ROR2: variants seen among roughly 807,000 people sequenced by gnomAD.
ROR2 encodes tyrosine-protein kinase transmembrane receptor ROR2.
A neutral mutation model predicts 74.9 loss-of-function variants in ROR2; 33 were observed. The observed-to-expected ratio is 0.44, with a 90% confidence interval of 0.33 to 0.59. ROR2 has a LOEUF of 0.59. Among genes scored for constraint, ROR2 ranks in the 20% least tolerant of loss-of-function variants. The probability of loss-of-function intolerance (pLI) is 0.02; values close to 1 mark genes in which losing one functional copy is unlikely to be tolerated. For synonymous variants in ROR2, 586 were observed against 558.7 expected (o/e 1.05, Z -0.69); for missense variants, 1,216 against 1,313.8 (o/e 0.93, Z 1.15).
chr9:91,757,592 G>A (rs534257839), intron 2 of ROR2, 33 bp from the exon 3 acceptor site: 107 of 1,605,204 alleles, frequency 6.7e-5, no homozygotes, highest in Admixed American at 4.3e-4. Flanking sequence ...AAGAGCAAGC[G>A]TCAGTGAGGG....
intron 1 of ROR2, among the ~76,000 whole-genome samples, chr9:91,872,730 C>T (rs1360655867): frequency 6.6e-6 from 1 of 152,184 alleles, no homozygotes; most frequent in Non-Finnish European, 1.5e-5. Context: ...AGAGTAAGAA[C>T]TCCCTTAGCA....
At chr9:91,776,777 T>C (rs1010416266) in intron 1 of ROR2, among the ~76,000 whole-genome samples, 3 of 152,156 alleles carry the variant, frequency 2.0e-5, no homozygotes, top group African/African-American at 4.8e-5. Flanking sequence ...ACTGTTTAAA[T>C]GTAGAGAGAC....
chr9:91,818,806 C>T (rs898053916), intron 1 of ROR2, among the ~76,000 whole-genome samples: 7 of 152,110 alleles, frequency 4.6e-5, no homozygotes, highest in African/African-American at 1.7e-4. Flanking sequence ...CTTGGGCAGC[C>T]TCACCTCTGG....
rs766838260 is a variant in ROR2, at chr9:91,733,319, T to G, written c.740A>C (p.Lys247Thr). 4 of 1,612,818 alleles carry G rather than the reference T, an allele frequency of 2.5e-6. No individual in the cohort carries two copies. The South Asian group carries it at 4.4e-5, about 18-fold the overall frequency. ...PLCDARSRTP[K>T]PRELCRDECE... ...CTCGTCGCGGCACAGCTCACGCGGC[T>G]TGGGTGTCCGGGAGCGCGCGTCGCA... Residue 247 changes from lysine to threonine, a missense_variant, in exon 6 of 9, where the codon AAG (lysine) becomes ACG (threonine). Lys to Thr is a moderately conservative substitution (Grantham distance 78). Transcript: ENST00000375708. The surrounding 1 kb of genome is among the most constrained non-coding windows in gnomAD (Gnocchi z 5.7).
chr9:91,826,120 C>T (rs1828281439), intron 1 of ROR2, among the ~76,000 whole-genome samples: 1 of 152,144 alleles, frequency 6.6e-6, no homozygotes, highest in South Asian at 2.1e-4. Flanking sequence ...CAAAGCCCAC[C>T]TTGGCCAGGG....
chr9:91,931,469 A>AT (rs1831546751), intron 1 of ROR2, among the ~76,000 whole-genome samples: 1 of 152,206 alleles, frequency 6.6e-6, no homozygotes, highest in East Asian at 1.9e-4. Context: ...ATGGCTTAGG[A>AT]TACCTTCAAC....
intron 1 of ROR2, among the ~76,000 whole-genome samples, chr9:91,832,056 C>A (rs1316847733): frequency 1.3e-5 from 2 of 152,016 alleles, no homozygotes; most frequent in East Asian, 3.9e-4. Flanking sequence ...TGGGCTTGAC[C>A]ATAAAGTCAC....
rs560516089 is a variant in ROR2, at chr9:91,809,291, C to CT, written c.98-33474dup. Reference sequence around the variant, plus strand: ...CTCAATGGGAGTGTCAGTGTGAAGTCTAACATTTTGCTCCTGAGTCAGTAC... The same window carrying CT: ...CTCAATGGGAGTGTCAGTGTGAAGTCTTAACATTTTGCTCCTGAGTCAGTAC... On this transcript the variant is annotated intron_variant, in intron 1 of 8. Transcript: ENST00000375708. Among the ~76,000 whole-genome samples the CT allele has an allele frequency of 2.5e-3, 377 of 152,290 alleles. 4 individuals are homozygous for CT. Among genetic ancestry groups the CT allele is most frequent in the African/African-American group, 8.4e-3 (348 of 41,546 alleles).
intron 4 of ROR2, among the ~76,000 whole-genome samples, chr9:91,745,148 G>T (rs957261356): frequency 6.6e-6 from 1 of 151,398 alleles, no homozygotes; most frequent in African/African-American, 2.4e-5. Flanking sequence ...TTTTTGAGAC[G>T]AAGTCTCGCT....
chr9:91,908,108 G>A (rs1830865264), intron 1 of ROR2, among the ~76,000 whole-genome samples: 1 of 152,236 alleles, frequency 6.6e-6, no homozygotes. Flanking sequence ...ACTGAGTCTG[G>A]AGGCACAGGT....
At chr9:91,913,375 G>A (rs1383588703) in intron 1 of ROR2, among the ~76,000 whole-genome samples, 1 of 151,682 alleles carries the variant, frequency 6.6e-6, no homozygotes, top group Non-Finnish European at 1.5e-5. Context: ...TCCAAAATTT[G>A]ATTTTTTTTC....
At chr9:91,832,873 G>C (rs559212745) in intron 1 of ROR2, among the ~76,000 whole-genome samples, 2 of 152,154 alleles carry the variant, frequency 1.3e-5, no homozygotes, top group Non-Finnish European at 2.9e-5. Flanking sequence ...GCAGAAATCG[G>C]GGCCTCCTAT....
At chr9:91,939,027 G>A (rs544076316) in intron 1 of ROR2, among the ~76,000 whole-genome samples, 201 of 152,224 alleles carry the variant, frequency 1.3e-3, no homozygotes, top group African/African-American at 4.6e-3. Flanking sequence ...AAGGCGGGTG[G>A]ATCACAAGAT....
chr9:91,728,655 TCCTGACCTCAGGTGATCCG>T (rs1240201252), intron 7 of ROR2, among the ~76,000 whole-genome samples: 12 of 152,152 alleles, frequency 7.9e-5, no homozygotes, highest in Non-Finnish European at 2.9e-5. Flanking sequence ...GGTCTTGAAC[TCCTGACCTCAGGTGATCCG>T]CCTGCCTTGG....
At chr9:91,929,346 A>G (rs12003887) in intron 1 of ROR2, among the ~76,000 whole-genome samples, 3,218 of 152,302 alleles carry the variant, frequency 0.021, 109 homozygotes, top group African/African-American at 0.073. Context: ...GCAGCCACAG[A>G]GGAAAATTTA....
intron 1 of ROR2, among the ~76,000 whole-genome samples, chr9:91,942,002 G>A (rs1160852228): frequency 6.6e-6 from 1 of 152,086 alleles, no homozygotes; most frequent in Admixed American, 6.5e-5. Context: ...TGTTGGCCAG[G>A]CTGGTCTTGA....
At chr9:91,823,441 T>A (rs191508953) in intron 1 of ROR2, among the ~76,000 whole-genome samples, 1 of 150,758 alleles carries the variant, frequency 6.6e-6, no homozygotes, top group East Asian at 1.9e-4. Flanking sequence ...GCAATTCTCC[T>A]GCCTCAGCCT....
intron 4 of ROR2, among the ~76,000 whole-genome samples, chr9:91,748,269 G>A (rs1018209773): frequency 2.0e-5 from 3 of 148,028 alleles, no homozygotes; most frequent in Admixed American, 6.7e-5. Context: ...AAAGCGAGAC[G>A]CTGTCTCAAA....
chr9:91,924,321 G>C (rs1831343329), intron 1 of ROR2, among the ~76,000 whole-genome samples: 4 of 152,242 alleles, frequency 2.6e-5, no homozygotes, highest in Admixed American at 1.3e-4. Flanking sequence ...GAGGCAAGGG[G>C]AGGACTGGAG....
Sources: gnomAD v4.1 joint callset for allele counts (sites outside exome capture counted in the v4.1 genomes callset) on GRCh38, gnomAD v4.1.1 for gene constraint, Gnocchi (gnomAD v3.1) non-coding constraint, MANE v1.5 for transcripts, NCBI Gene and HGNC (gene_info 2026-07-23, HGNC 2026-07-21) for gene names.